The following NELL1 variants were observed in gnomAD, a reference collection of about 807,000 sequenced individuals.
NELL1 encodes protein kinase C-binding protein NELL1.
NELL1 carries 76 observed loss-of-function variants against 107.4 expected under a neutral mutation model. The ratio of observed to expected loss-of-function variants is 0.71; its 90% CI spans 0.59 to 0.86. NELL1 has a LOEUF of 0.86. NELL1 is among the 40% of genes least tolerant of loss of function. The probability of loss-of-function intolerance (pLI) is 0.00; values close to 1 mark genes in which losing one functional copy is unlikely to be tolerated. For missense variants in NELL1, 1,024 were observed against 1,005.5 expected (o/e 1.02, Z -0.25); for synonymous variants, 353 against 341.2 (o/e 1.03, Z -0.38).
At chr11:21,307,581 T>C (rs978890313) in intron 14 of NELL1, among the ~76,000 whole-genome samples, 16 of 152,106 alleles carry the variant, frequency 1.1e-4, no homozygotes, top group African/African-American at 3.9e-4. Flanking sequence ...GATTTTGTTC[T>C]GAATATCCAG....
chr11:21,455,881 T>C (rs1289051611), intron 15 of NELL1, among the ~76,000 whole-genome samples: 2 of 151,910 alleles, frequency 1.3e-5, no homozygotes, highest in Admixed American at 6.6e-5. Context: ...TTTTCTTTTT[T>C]TTTTTTTAAG....
At chr11:20,706,083 T>C (rs985468421) in intron 2 of NELL1, among the ~76,000 whole-genome samples, 7 of 152,238 alleles carry the variant, frequency 4.6e-5, no homozygotes, top group South Asian at 4.1e-4. Flanking sequence ...GTAAACTAGT[T>C]CAACCATTGT....
intron 3 of NELL1, among the ~76,000 whole-genome samples, chr11:20,818,406 C>CTTTTTTTTTTTTTTTTT (rs57318040): frequency 9.2e-6 from 1 of 108,730 alleles, no homozygotes; most frequent in Non-Finnish European, 1.9e-5. Flanking sequence ...GCAACCCCTG[C>CTTTTTTTTTTTTTTTTT]TTTTTTTTTT....
chr11:20,743,822 G>A (rs1400577301), intron 2 of NELL1, among the ~76,000 whole-genome samples: 1 of 152,114 alleles, frequency 6.6e-6, no homozygotes, highest in Non-Finnish European at 1.5e-5. Context: ...TCCCTGAAAG[G>A]CAGAGTTAAA....
intron 14 of NELL1, among the ~76,000 whole-genome samples, chr11:21,249,930 C>T (rs1858595056): frequency 1.3e-5 from 2 of 152,128 alleles, no homozygotes; most frequent in Admixed American, 6.6e-5. Context: ...CTAAAATACC[C>T]ATTGGTGATG....
intron 14 of NELL1, among the ~76,000 whole-genome samples, chr11:21,356,804 G>A (rs1193515084): frequency 3.9e-5 from 6 of 151,970 alleles, no homozygotes; most frequent in South Asian, 2.1e-4. Context: ...CCCTTGAACC[G>A]CTCCCTCCTT....
intron 13 of NELL1, among the ~76,000 whole-genome samples, chr11:21,137,866 A>C (rs189055721): frequency 1.7e-4 from 26 of 152,338 alleles, no homozygotes; most frequent in East Asian, 1.2e-3. Context: ...CTGTGAATGC[A>C]CTGGCTCGAT....
intron 5 of NELL1, among the ~76,000 whole-genome samples, chr11:20,904,898 G>A (rs927260823): frequency 2.0e-5 from 3 of 151,460 alleles, no homozygotes; most frequent in Non-Finnish European, 2.9e-5. Context: ...ATATGATCAT[G>A]GCTCACTGCA....
intron 3 of NELL1, among the ~76,000 whole-genome samples, chr11:20,784,863 G>A (rs564783248): frequency 6.6e-6 from 1 of 152,166 alleles, no homozygotes; most frequent in African/African-American, 2.4e-5. Context: ...CAGGAAACAA[G>A]GCATAACCAC....
intron 12 of NELL1, among the ~76,000 whole-genome samples, chr11:21,014,094 AGG>A: frequency 2.0e-5 from 3 of 152,072 alleles, no homozygotes; most frequent in Non-Finnish European, 4.4e-5. Context: ...TGGCAAATGG[AGG>A]CTGTTTCAGT....
At chr11:21,176,056 G>A (rs555375222) in intron 13 of NELL1, among the ~76,000 whole-genome samples, 2 of 151,754 alleles carry the variant, frequency 1.3e-5, no homozygotes, top group South Asian at 4.2e-4. Flanking sequence ...TTTCCTTCCT[G>A]CAAACTCTGG....
chr11:20,763,415 G>T (rs938907669), intron 2 of NELL1, among the ~76,000 whole-genome samples: 2 of 152,114 alleles, frequency 1.3e-5, no homozygotes, highest in Non-Finnish European at 2.9e-5. Flanking sequence ...TTCTGGGATA[G>T]AAATATTCTC....
chr11:20,870,583 G>A (rs2134086695), intron 4 of NELL1, among the ~76,000 whole-genome samples: 1 of 152,266 alleles, frequency 6.6e-6, no homozygotes, highest in East Asian at 1.9e-4. Context: ...GGCCATTATA[G>A]TTTAAATGAT....
chr11:20,960,136 G>A (rs1438223895), intron 11 of NELL1, among the ~76,000 whole-genome samples: 1 of 152,000 alleles, frequency 6.6e-6, no homozygotes, highest in Non-Finnish European at 1.5e-5. Flanking sequence ...ATTATAAAAA[G>A]AGTAGTCATG....
At chr11:21,571,754 A>C (rs943960015) in intron 18 of NELL1, among the ~76,000 whole-genome samples, 1 of 151,866 alleles carries the variant, frequency 6.6e-6, no homozygotes, top group Non-Finnish European at 1.5e-5. Flanking sequence ...TATATCACAA[A>C]GATTTCTAGC....
intron 15 of NELL1, among the ~76,000 whole-genome samples, chr11:21,405,641 C>G (rs574599338): frequency 6.6e-6 from 1 of 151,984 alleles, no homozygotes. Flanking sequence ...AAGCAGATGA[C>G]TCACCAGTCT....
intron 14 of NELL1, among the ~76,000 whole-genome samples, chr11:21,297,368 A>G (rs955086048): frequency 6.6e-6 from 1 of 152,040 alleles, no homozygotes; most frequent in Non-Finnish European, 1.5e-5. Flanking sequence ...TTTATAAAAC[A>G]TGTAATTTCT....
At chr11:20,971,765 A>G (rs1851506048) in intron 12 of NELL1, among the ~76,000 whole-genome samples, 1 of 152,182 alleles carries the variant, frequency 6.6e-6, no homozygotes, top group Non-Finnish European at 1.5e-5. Context: ...TTAGTGTGCT[A>G]ATACTTATCT....
chr11:20,915,070 TCTA>T (rs1476518572), intron 5 of NELL1, among the ~76,000 whole-genome samples: 4 of 152,094 alleles, frequency 2.6e-5, no homozygotes, highest in African/African-American at 9.7e-5. Flanking sequence ...CTATGTGAAA[TCTA>T]CTACAATAGG....
Sources: allele counts gnomAD v4.1 joint callset (sites outside exome capture counted in the v4.1 genomes callset), GRCh38; gene constraint gnomAD v4.1.1; transcripts MANE v1.5; gene names NCBI Gene and HGNC (gene_info 2026-07-23, HGNC 2026-07-21).